Variants in DENND11 observed in about 807,000 individuals in gnomAD.
The protein encoded by DENND11 is DENN domain-containing protein 11.
Under a neutral mutation model 49.2 loss-of-function variants are expected in DENND11, and 34 were observed. That is an observed-to-expected ratio of 0.69 (90% CI 0.53 to 0.92). The LOEUF is 0.92. DENND11 is among the 40% of genes least tolerant of loss of function. The pLI is 0.00. For missense variants in DENND11, 475 were observed against 581.6 expected (o/e 0.82, Z 1.88); for synonymous variants, 238 against 230.3 (o/e 1.03, Z -0.30).
At chr7:141,666,243 C>T (rs1448440594) in intron 5 of DENND11, 44 bp downstream of exon 5, 2 of 1,538,490 alleles carry the variant, frequency 1.3e-6, no homozygotes, top group African/African-American at 1.4e-5. Flanking sequence ...GCAGTTTCTG[C>T]TCCAGGGATT....
chr7:141,685,556 C>G lies in DENND11; in HGVS notation c.449G>C (p.Arg150Pro). Residue 150 changes from arginine (R) to proline (P), a missense_variant, in exon 3 of 9, where the codon CGG becomes CCG. Transcript: ENST00000536163. ...PVESELERGA[R>P]MKSVGILSPS... is the part of the protein sequence containing the mutation. ...AGAGAGGATGCCCACAGACTTCATC[C>G]GCGCGCCACGTTCCAGCTCGCTCTC... 5.0e-6 allele frequency: 8 copies of G among 1,613,946 alleles called. No individual in the cohort carries two copies. Among genetic ancestry groups the G allele is most frequent in the South Asian group, 1.1e-5 (1 of 91,086 alleles).
intron 1 of DENND11, among the ~76,000 whole-genome samples, chr7:141,692,568 A>G (rs1307577425): frequency 6.6e-6 from 1 of 152,212 alleles, no homozygotes; most frequent in East Asian, 1.9e-4. Flanking sequence ...ACAAGTGGAC[A>G]TCTACATGCA....
Position 141,664,378 on chromosome 7 carries a change from G to A in DENND11, c.1104-138C>T, listed in dbSNP as rs1034891630. The A allele has an allele frequency of 6.5e-5, 42 of 649,994 alleles. No individual in the cohort carries two copies. The African/African-American group carries it at 7.0e-4, about 11-fold the overall frequency. The allele number at this position is 649,994 out of a possible 1,614,324, so 40.3% of individuals were successfully genotyped here. On this transcript the variant is annotated intron_variant, in intron 7 of 8. Transcript: ENST00000536163. ...CCAGGAAAGGGATCAACAGGGTTTG[G>A]ACTCAAAATCCCTGGGGTCCAGGGC... is the stretch of plus-strand genomic sequence containing the variant.
At chr7:141,669,395 A>C (rs1797943353) in intron 4 of DENND11, among the ~76,000 whole-genome samples, 1 of 151,620 alleles carries the variant, frequency 6.6e-6, no homozygotes. Context: ...TTACAGGCGC[A>C]TGCTACCATG....
chr7:141,692,685 A>T (rs183639413), intron 1 of DENND11, among the ~76,000 whole-genome samples: 95 of 147,416 alleles, frequency 6.4e-4, no homozygotes, highest in South Asian at 2.6e-3. Context: ...ACAAAAAATT[A>T]AAAAAAAAAA....
At chr7:141,684,937 G>A (rs919796645) in intron 3 of DENND11, among the ~76,000 whole-genome samples, 3 of 147,782 alleles carry the variant, frequency 2.0e-5, no homozygotes, top group African/African-American at 5.0e-5. Flanking sequence ...CTCTTTGGCA[G>A]GCTGAGGCAG....
At chr7:141,669,384 A>G (rs1386634793) in intron 4 of DENND11, among the ~76,000 whole-genome samples, 1 of 151,352 alleles carries the variant, frequency 6.6e-6, no homozygotes. Flanking sequence ...AGTAGCTGGG[A>G]TTACAGGCGC....
chr7:141,672,821 T>C (rs943265612), intron 4 of DENND11, among the ~76,000 whole-genome samples: 1 of 152,248 alleles, frequency 6.6e-6, no homozygotes, highest in Non-Finnish European at 1.5e-5. Flanking sequence ...ATTCCTTTTT[T>C]ACTCCTTCAG....
Position 141,664,923 on chromosome 7 carries a change from G to T in DENND11, c.1084C>A (p.Arg362Ser), listed in dbSNP as rs201362256. The part of the protein sequence containing the change: ...KINSADREKY[R>S]RLNEQRQMLL... ...CACTACCTCTGCTCGTTGAGCCGGC[G>T]GTACTTCTCCCTGTCAGCACTGTTG... is the stretch of plus-strand genomic sequence containing the variant. Residue 362 changes from arginine (R) to serine (S), a missense_variant, in exon 7 of 9, where the codon CGC (arginine) becomes AGC (serine). Physicochemically the swap from Arg to Ser is moderately radical, Grantham distance 110. Transcript: ENST00000536163. 709 of 1,612,620 alleles carry T rather than the reference G, an allele frequency of 4.4e-4. 3 individuals carry two copies. Among genetic ancestry groups the T allele is most frequent in the Non-Finnish European group, 2.2e-4 (258 of 1,179,320 alleles).
intron 4 of DENND11, among the ~76,000 whole-genome samples, chr7:141,673,227 G>T (rs573518931): frequency 6.6e-6 from 1 of 151,264 alleles, no homozygotes; most frequent in Non-Finnish European, 1.5e-5. Flanking sequence ...GGTTGTTTTC[G>T]CTGGAAAACA....
intron 3 of DENND11, among the ~76,000 whole-genome samples, chr7:141,679,260 C>A (rs969762489): frequency 6.6e-6 from 1 of 152,190 alleles, no homozygotes; most frequent in African/African-American, 2.4e-5. Flanking sequence ...CTAGCTATGA[C>A]TCAAAATCTA....
In DENND11 at chr7:141,662,418, C is replaced by G; in HGVS notation, c.*238G>C. On this transcript the variant is annotated 3_prime_UTR_variant, in exon 9 of 9. Coordinates refer to ENST00000536163, the MANE Select transcript of DENND11 (RefSeq NM_001080392.2). ...GACCAAGCCCAGAGGACCAGCAGCT[C>G]TGGGAGAAAGTGGCAGATTCCAATA... 1 of 416,918 alleles carries G rather than the reference C, an allele frequency of 2.4e-6. No individual in the cohort carries two copies. The allele number at this position is 416,918 out of a possible 1,614,324, so 25.8% of individuals were successfully genotyped here.
chr7:141,664,060 G>T, intron 8 of DENND11, 112 bp downstream of exon 8: 1 of 889,950 alleles, frequency 1.1e-6, no homozygotes, highest in South Asian at 1.8e-5. Flanking sequence ...AGTGCCCTTG[G>T]CAGCAATAAA....
At chr7:141,685,333 C>A in intron 3 of DENND11, 145 bp downstream of exon 3, 1 of 997,340 alleles carries the variant, frequency 1.0e-6, no homozygotes, top group Non-Finnish European at 1.5e-6. Context: ...GAAAGGACAC[C>A]ACCCGAGGCG....
intron 1 of DENND11, among the ~76,000 whole-genome samples, chr7:141,700,130 C>T (rs1366746006): frequency 2.0e-5 from 3 of 152,272 alleles, no homozygotes; most frequent in Middle Eastern, 3.4e-3. Context: ...TTTCTCTTTC[C>T]CTTCCCTAAG....
rs748466235 is a variant in DENND11, at chr7:141,665,068, G to C, written c.953-14C>G. ...TCTCTGTGGTGCCTGTGGAACCCGG[G>C]GTTAGAGAGGTGGGAACCCACCCGA... On this transcript the variant is annotated splice_polypyrimidine_tract_variant and intron_variant, in intron 6 of 8. Coordinates refer to ENST00000536163, the MANE Select transcript of DENND11 (RefSeq NM_001080392.2). 5.6e-6 allele frequency: 9 copies of C among 1,612,956 alleles called. No individual in the cohort carries two copies. The highest frequency in any genetic ancestry group is 1.6e-4 in the Middle Eastern group (1 of 6,080).
At chr7:141,668,097 CCACA>C (rs1050304360) in intron 4 of DENND11, among the ~76,000 whole-genome samples, 3 of 152,234 alleles carry the variant, frequency 2.0e-5, no homozygotes. Context: ...TGTTCTTCCA[CCACA>C]CAGAGGCCAG....
chr7:141,686,254 C>T (rs1162175974), intron 2 of DENND11, among the ~76,000 whole-genome samples: 1 of 152,148 alleles, frequency 6.6e-6, no homozygotes, highest in African/African-American at 2.4e-5. Flanking sequence ...TTAACTCACA[C>T]GGGGCTGAAA....
intron 3 of DENND11, among the ~76,000 whole-genome samples, chr7:141,685,026 AAAAATATATAT>A (rs1435552851): frequency 9.8e-6 from 1 of 101,690 alleles, no homozygotes; most frequent in African/African-American, 3.3e-5. Context: ...AAAAAAAAAA[AAAAATATATAT>A]ATATATATAT....
Sources: gnomAD v4.1 joint callset for allele counts (sites outside exome capture counted in the v4.1 genomes callset) on GRCh38, gnomAD v4.1.1 for gene constraint, MANE v1.5 for transcripts, NCBI Gene and HGNC (gene_info 2026-07-23, HGNC 2026-07-21) for gene names.